The following HSD17B2 variants were observed in gnomAD, a reference collection of about 807,000 sequenced individuals.
The protein encoded by HSD17B2 is 17-beta-hydroxysteroid dehydrogenase type 2.
A neutral mutation model predicts 26.9 loss-of-function variants in HSD17B2; 32 were observed. The observed-to-expected ratio is 1.19, with a 90% confidence interval of 0.90 to 1.60. The LOEUF (loss-of-function observed/expected upper bound fraction) is 1.60, where lower values mean the gene tolerates loss of function less well. Ranked by LOEUF, HSD17B2 falls within the 40% of genes most tolerant of loss-of-function variation. The probability of loss-of-function intolerance (pLI) is 0.00; values close to 1 mark genes in which losing one functional copy is unlikely to be tolerated. For missense variants in HSD17B2, 613 were observed against 468.6 expected (o/e 1.31, Z -2.85); for synonymous variants, 246 against 186.7 (o/e 1.32, Z -2.59).
chr16:82,058,699 G>A (rs1468858684), intron 1 of HSD17B2, among the ~76,000 whole-genome samples: 4 of 152,144 alleles, frequency 2.6e-5, no homozygotes, highest in Non-Finnish European at 4.4e-5. Flanking sequence ...GTTGAATGCT[G>A]AATTACAGTC....
intron 3 of HSD17B2, among the ~76,000 whole-genome samples, chr16:82,082,786 C>G (rs1904418755): frequency 6.6e-6 from 1 of 152,140 alleles, no homozygotes; most frequent in African/African-American, 2.4e-5. Flanking sequence ...ATGAAGGATC[C>G]ATTACATTTC....
At chr16:82,078,076 C>G (rs552867668) in intron 3 of HSD17B2, among the ~76,000 whole-genome samples, 1 of 152,248 alleles carries the variant, frequency 6.6e-6, no homozygotes, top group Admixed American at 6.5e-5. Flanking sequence ...AAGATACAAT[C>G]AACAAAGTGA....
intron 1 of HSD17B2, among the ~76,000 whole-genome samples, chr16:82,054,532 A>G (rs1914208087): frequency 6.6e-6 from 1 of 152,150 alleles, no homozygotes; most frequent in South Asian, 2.1e-4. Context: ...TTTAGTAGAC[A>G]TGGGGTTTCA....
chr16:82,070,358 C>T (rs1040628028), intron 2 of HSD17B2, among the ~76,000 whole-genome samples: 3 of 152,184 alleles, frequency 2.0e-5, no homozygotes, highest in Non-Finnish European at 2.9e-5. Context: ...CATAGCACTA[C>T]GACTTAGCAC....
chr16:82,073,325 C>A (rs1014621588), intron 3 of HSD17B2, among the ~76,000 whole-genome samples: 4 of 151,722 alleles, frequency 2.6e-5, no homozygotes, highest in African/African-American at 9.7e-5. Flanking sequence ...CCCGGGTTCA[C>A]GCCATTCTCC....
At chr16:82,066,973 T>A (rs751471615) in intron 1 of HSD17B2, among the ~76,000 whole-genome samples, 1 of 152,218 alleles carries the variant, frequency 6.6e-6, no homozygotes, top group Non-Finnish European at 1.5e-5. Context: ...TTCTCTAGGA[T>A]AAATACTGAG....
At chr16:82,065,014 A>G (rs1476428273) in intron 1 of HSD17B2, among the ~76,000 whole-genome samples, 1 of 152,242 alleles carries the variant, frequency 6.6e-6, no homozygotes, top group Non-Finnish European at 1.5e-5. Flanking sequence ...CTCTGGTCCA[A>G]TCAGCCCCAG....
At chr16:82,094,609 G>C (rs1226731537) in intron 4 of HSD17B2, 2 of 152,226 alleles carry the variant, frequency 1.3e-5, no homozygotes, top group South Asian at 4.1e-4. Flanking sequence ...AGAAGCCCAA[G>C]AGCAGAAGGC....
intron 3 of HSD17B2, among the ~76,000 whole-genome samples, chr16:82,085,019 C>A (rs145519263): frequency 6.6e-6 from 1 of 152,152 alleles, no homozygotes; most frequent in Non-Finnish European, 1.5e-5. Flanking sequence ...CTACTGAGGC[C>A]GTCCCAAGCT....
chr16:82,090,202 C>G (rs1904643364), intron 3 of HSD17B2: 1 of 976,504 alleles, frequency 1.0e-6, no homozygotes, highest in African/African-American at 1.8e-5. Context: ...CTCCTCCCCA[C>G]AAAAAGATAT....
chr16:82,054,473 T>C (rs138454263), intron 1 of HSD17B2, among the ~76,000 whole-genome samples: 1 of 152,124 alleles, frequency 6.6e-6, no homozygotes, highest in Non-Finnish European at 1.5e-5. Context: ...GCCTCCCAAG[T>C]AGCTGGGACT....
Position 82,098,100 on chromosome 16 carries a change from G to A in HSD17B2, c.828G>A (p.Trp276Ter). 6.2e-7 allele frequency: 1 copy of A among 1,613,302 alleles called. No individual in the cohort carries two copies. Among genetic ancestry groups the A allele is most frequent in the Non-Finnish European group, 8.5e-7 (1 of 1,179,488 alleles). Residue 276 changes from tryptophan to a stop codon, truncating the protein, a stop_gained, in exon 5 of 5, where the codon TGG (tryptophan) becomes TGA (stop). Transcript: ENST00000199936. LOFTEE classifies it low-confidence loss of function (END_TRUNC). ...ATATCGCAGGCACCAGTGACAAGTG[G>A]GAAAAGCTGGAGAAGGACATTCTGG... ...LTNIAGTSDK[W>*]EKLEKDILDH...
intron 1 of HSD17B2, among the ~76,000 whole-genome samples, chr16:82,055,642 T>C (rs1316558785): frequency 6.6e-6 from 1 of 152,150 alleles, no homozygotes; most frequent in Non-Finnish European, 1.5e-5. Context: ...AGTGGGCAAA[T>C]GATAGAAGTT....
Position 82,073,212 on chromosome 16 carries a change from T to TTTA in HSD17B2, c.664+2101_664+2103dup, listed in dbSNP as rs937047346. 1.7e-3 allele frequency among the ~76,000 whole-genome samples: 265 copies of TTTA among 152,004 alleles called. 2 individuals are homozygous for TTTA. Among genetic ancestry groups the TTTA allele is most frequent in the Non-Finnish European group, 1.8e-3 (119 of 67,982 alleles). ...TAAAATAAATAACATATCTCACTCT[T>TTTA]TTATTATTATTATTATTAATTTTTT... On this transcript the variant is annotated intron_variant, in intron 3 of 4. Transcript: ENST00000199936.
chr16:82,050,034 G>A (rs960413088), intron 1 of HSD17B2, among the ~76,000 whole-genome samples: 1 of 152,202 alleles, frequency 6.6e-6, no homozygotes, highest in African/African-American at 2.4e-5. Context: ...CCTGGGCATT[G>A]GTGTTTCTTT....
intron 3 of HSD17B2, among the ~76,000 whole-genome samples, chr16:82,072,611 T>C (rs113805475): frequency 1.3e-5 from 2 of 152,230 alleles, no homozygotes; most frequent in African/African-American, 4.8e-5. Context: ...TTCACTCATA[T>C]GAGTTCACTT....
intron 2 of HSD17B2, 61 bp from the exon 3 acceptor site, chr16:82,070,881 G>C: frequency 6.8e-7 from 1 of 1,477,024 alleles, no homozygotes; most frequent in Non-Finnish European, 9.3e-7. Context: ...TCCAGGTATT[G>C]CAGGTTGTGT....
In HSD17B2 at chr16:82,036,298, G is replaced by A. The variant is rs115605372; in HGVS notation, c.265+609G>A. On this transcript the variant is annotated intron_variant, in intron 1 of 4. Coordinates refer to ENST00000199936, the MANE Select transcript of HSD17B2 (RefSeq NM_002153.3). ...TCCAACATTCAGTTGCCTGTTAGCT[G>A]AGCTGCCAGTTTTTCCCTTGTTTGT... Among the ~76,000 whole-genome samples, 433 of 149,402 alleles carry A rather than the reference G, an allele frequency of 2.9e-3. 1 individual carries two copies. Among genetic ancestry groups the A allele is most frequent in the African/African-American group, 0.01 (418 of 40,476 alleles).
intron 1 of HSD17B2, among the ~76,000 whole-genome samples, chr16:82,061,187 G>T (rs1914428444): frequency 6.6e-6 from 1 of 151,904 alleles, no homozygotes. Flanking sequence ...GAACCCAGGA[G>T]GCAGAGGATG....
Sources: gnomAD v4.1 joint callset for allele counts (sites outside exome capture counted in the v4.1 genomes callset) on GRCh38, gnomAD v4.1.1 for gene constraint, MANE v1.5 for transcripts, NCBI Gene and HGNC (gene_info 2026-07-23, HGNC 2026-07-21) for gene names.